LOC122539214: variants seen among roughly 807,000 people sequenced by gnomAD.
chr19:52,685,627 T>C, the LOC122539214 span, among the ~76,000 whole-genome samples: 3 of 152,080 alleles, frequency 2.0e-5, no homozygotes, highest in Non-Finnish European at 2.9e-5. Context: ...TCAGGCACGG[T>C]AGCTCTTGCC....
the LOC122539214 span, among the ~76,000 whole-genome samples, chr19:52,687,616 G>GTAAATTT: frequency 8.3e-3 from 131 of 15,730 alleles, 3 homozygotes; most frequent in African/African-American, 0.028. Flanking sequence ...TATATAATGT[G>GTAAATTT]TATATATATA....
the LOC122539214 span, among the ~76,000 whole-genome samples, chr19:52,666,269 GAA>G: frequency 1.3e-5 from 2 of 151,778 alleles, no homozygotes; most frequent in African/African-American, 4.8e-5. Flanking sequence ...CAGAGAGTCA[GAA>G]AAGAGAGAGA....
chr19:52,687,463 ATAATTTATATATC>A, the LOC122539214 span, among the ~76,000 whole-genome samples: 1 of 92,714 alleles, frequency 1.1e-5, no homozygotes, highest in African/African-American at 4.7e-5. Flanking sequence ...AATATAAATT[ATAATTTATATATC>A]TATATAAATT....
the LOC122539214 span, among the ~76,000 whole-genome samples, chr19:52,678,639 A>G: frequency 6.6e-6 from 1 of 152,008 alleles, no homozygotes; most frequent in African/African-American, 2.4e-5. Flanking sequence ...CCAGGCCCTC[A>G]TATCCTCATG....
chr19:52,685,897 CAAAAAAA>C, the LOC122539214 span, among the ~76,000 whole-genome samples: 5,625 of 132,576 alleles, frequency 0.042, 332 homozygotes, highest in African/African-American at 0.12. Flanking sequence ...GTAACTGTCA[CAAAAAAA>C]AAAAAAAAAA....
chr19:52,654,314 T>C, the LOC122539214 span: 170 of 1,484,304 alleles, frequency 1.1e-4, no homozygotes, highest in Non-Finnish European at 1.5e-4. Context: ...TGATGACTTT[T>C]ATGTCTTTGC....
chr19:52,687,441 TATATAAATTATA>T, the LOC122539214 span, among the ~76,000 whole-genome samples: 26 of 19,120 alleles, frequency 1.4e-3, 10 homozygotes, highest in African/African-American at 8.4e-3. Flanking sequence ...TTTATATAGC[TATATAAATTATA>T]ATATAAATTA....
the LOC122539214 span, among the ~76,000 whole-genome samples, chr19:52,662,051 T>TCCCG: frequency 1.3e-5 from 2 of 151,790 alleles, no homozygotes; most frequent in East Asian, 3.9e-4. Context: ...ATCAGGGAGG[T>TCCCG]CCTGGGAGCA....
chr19:52,652,825 G>A, the LOC122539214 span: 2 of 931,396 alleles, frequency 2.1e-6, no homozygotes, highest in Admixed American at 1.8e-5. Flanking sequence ...ATTTTCTCCA[G>A]TATGAAGTCT....
At chr19:52,651,682 TC>T in the LOC122539214 span, 1 of 39,878 alleles carries the variant, frequency 2.5e-5, no homozygotes, top group South Asian at 6.2e-4. Flanking sequence ...AGACTCTGTC[TC>T]AAAAAAAAAA....
At chr19:52,676,520 G>A in the LOC122539214 span, among the ~76,000 whole-genome samples, 137 of 151,590 alleles carry the variant, frequency 9.0e-4, 1 homozygote, top group Middle Eastern at 3.4e-3. Flanking sequence ...GCCCCCGCCC[G>A]GCCAGCCGCC....
chr19:52,683,664 G>A, the LOC122539214 span, among the ~76,000 whole-genome samples: 1 of 152,112 alleles, frequency 6.6e-6, no homozygotes, highest in Admixed American at 6.6e-5. Flanking sequence ...GAAGATGCAG[G>A]GTCTGGTCTG....
At chr19:52,687,748 C>A in the LOC122539214 span, among the ~76,000 whole-genome samples, 1 of 144,870 alleles carries the variant, frequency 6.9e-6, no homozygotes, top group Non-Finnish European at 1.5e-5. Flanking sequence ...TCACTTGACC[C>A]CAGGGGGCCA....
At chr19:52,660,222 G>T in the LOC122539214 span, among the ~76,000 whole-genome samples, 34 of 152,236 alleles carry the variant, frequency 2.2e-4, no homozygotes, top group African/African-American at 7.5e-4. Context: ...TCTGCAGCTG[G>T]GGGTAGGGAT....
the LOC122539214 span, chr19:52,652,552 C>T: frequency 9.1e-6 from 4 of 439,818 alleles, no homozygotes; most frequent in Non-Finnish European, 1.8e-5. Flanking sequence ...GCAATCATGA[C>T]ATTTGTAACG....
At chr19:52,662,342 T>G in the LOC122539214 span, among the ~76,000 whole-genome samples, 119,614 of 151,882 alleles carry the variant, frequency 0.79, 48,015 homozygotes, top group African/African-American at 0.95. Flanking sequence ...AAATGTGCAT[T>G]TGGAGACGCC....
chr19:52,655,939 G>A, the LOC122539214 span, among the ~76,000 whole-genome samples: 19 of 152,114 alleles, frequency 1.2e-4, no homozygotes, highest in Non-Finnish European at 2.2e-4. Context: ...GTCTGGGCAC[G>A]GTGGCTCACA....
the LOC122539214 span, among the ~76,000 whole-genome samples, chr19:52,662,837 G>A: frequency 6.6e-6 from 1 of 152,050 alleles, no homozygotes; most frequent in Non-Finnish European, 1.5e-5. Flanking sequence ...GACTGGAAGG[G>A]CCAACAGAAT....
At chr19:52,653,241 T>A in the LOC122539214 span, 1 of 1,532,926 alleles carries the variant, frequency 6.5e-7, no homozygotes, top group Non-Finnish European at 9.0e-7. Context: ...AAGGTTTCTC[T>A]CCAGTATGAA....
Sources: allele counts gnomAD v4.1 joint callset (sites outside exome capture counted in the v4.1 genomes callset), GRCh38; gene constraint gnomAD v4.1.1; transcripts MANE v1.5.